CNTN5: variants seen among roughly 807,000 people sequenced by gnomAD.
CNTN5 encodes the protein contactin 5.
Under a neutral mutation model 129.1 loss-of-function variants are expected in CNTN5, and 77 were observed. That is an observed-to-expected ratio of 0.60 (90% CI 0.50 to 0.72). CNTN5 has a LOEUF of 0.72. CNTN5 is among the 30% of genes least tolerant of loss of function. The pLI, the probability that CNTN5 is intolerant of heterozygous loss-of-function variation, is 0.00. For missense variants in CNTN5, 1,478 were observed against 1,328.8 expected (o/e 1.11, Z -1.75); for synonymous variants, 509 against 465.6 (o/e 1.09, Z -1.20).
intron 1 of CNTN5, among the ~76,000 whole-genome samples, chr11:99,065,120 T>G (rs1415622807): frequency 6.6e-6 from 1 of 152,018 alleles, no homozygotes. Context: ...ATGATACCAA[T>G]GTAAAAGCAT....
chr11:99,702,962 TTAAAA>T, intron 3 of CNTN5, among the ~76,000 whole-genome samples: 1 of 151,034 alleles, frequency 6.6e-6, no homozygotes, highest in Non-Finnish European at 1.5e-5. Context: ...TCTTTCCCTT[TTAAAA>T]TAAAGATACT....
intron 1 of CNTN5, among the ~76,000 whole-genome samples, chr11:99,321,739 T>C (rs113934062): frequency 1.2e-3 from 188 of 152,262 alleles, no homozygotes; most frequent in African/African-American, 3.8e-3. Context: ...TAATATCATA[T>C]TGGTGAAGGG....
At chr11:99,960,902 T>C (rs1362246968) in intron 8 of CNTN5, among the ~76,000 whole-genome samples, 1 of 151,626 alleles carries the variant, frequency 6.6e-6, no homozygotes, top group Non-Finnish European at 1.5e-5. Context: ...AATAAGATAA[T>C]AGGAAAAACA....
chr11:99,834,293 A>C (rs1203670717), intron 4 of CNTN5, among the ~76,000 whole-genome samples: 1 of 152,168 alleles, frequency 6.6e-6, no homozygotes. Context: ...TTTTATGAAC[A>C]AAAACTCTTG....
chr11:99,860,028 A>G (rs1436832723), intron 6 of CNTN5, among the ~76,000 whole-genome samples: 1 of 152,118 alleles, frequency 6.6e-6, no homozygotes, highest in African/African-American at 2.4e-5. Context: ...TATTTTAGTA[A>G]TAGCCATTCT....
At chr11:99,391,335 CTTCTTT>C (rs1203379781) in intron 2 of CNTN5, among the ~76,000 whole-genome samples, 1 of 152,050 alleles carries the variant, frequency 6.6e-6, no homozygotes, top group Non-Finnish European at 1.5e-5. Flanking sequence ...TAGCTTTCTT[CTTCTTT>C]GTCATCTAAT....
At chr11:99,476,450 A>G (rs1190966021) in intron 2 of CNTN5, among the ~76,000 whole-genome samples, 1 of 152,142 alleles carries the variant, frequency 6.6e-6, no homozygotes, top group Non-Finnish European at 1.5e-5. Context: ...ATGTTAAGCA[A>G]TGATCTTTTA....
intron 6 of CNTN5, among the ~76,000 whole-genome samples, chr11:99,908,850 C>A (rs986041793): frequency 6.6e-6 from 1 of 152,088 alleles, no homozygotes; most frequent in Non-Finnish European, 1.5e-5. Flanking sequence ...TCAAGGGAAG[C>A]ATATGCTGGT....
chr11:99,039,305 T>G (rs1192317416), intron 1 of CNTN5, among the ~76,000 whole-genome samples: 1 of 152,136 alleles, frequency 6.6e-6, no homozygotes, highest in Non-Finnish European at 1.5e-5. Flanking sequence ...ATTACCTCTT[T>G]TATTCCTCTT....
chr11:99,319,084 G>A (rs1362136485), intron 1 of CNTN5, among the ~76,000 whole-genome samples: 2 of 152,040 alleles, frequency 1.3e-5, no homozygotes, highest in African/African-American at 4.8e-5. Flanking sequence ...AGGCTCTGTG[G>A]GGGAAAAAGC....
intron 3 of CNTN5, among the ~76,000 whole-genome samples, chr11:99,611,228 A>T (rs1330098765): frequency 6.6e-6 from 1 of 152,196 alleles, no homozygotes; most frequent in East Asian, 1.9e-4. Context: ...GGAGTTTCCT[A>T]ACCCATAATA....
chr11:99,965,759 G>T lies in CNTN5; in HGVS notation c.877+8750G>T, dbSNP rs542567456. ...TGATCTGTCTAATGTTGACAGTGGG[G>T]TGTTAAAGTCTCCCACTATTGTGTG... On this transcript the variant is annotated intron_variant, in intron 8 of 24. Coordinates refer to ENST00000524871, the MANE Select transcript of CNTN5 (RefSeq NM_014361.4). Among the ~76,000 whole-genome samples the T allele has an allele frequency of 4.6e-3, 705 of 152,226 alleles. 5 individuals are homozygous for T. Among genetic ancestry groups the T allele is most frequent in the African/African-American group, 0.016 (650 of 41,530 alleles).
Position 99,206,258 on chromosome 11 carries a change from G to C in CNTN5, c.-209-119088G>C, listed in dbSNP as rs569689962. Among the ~76,000 whole-genome samples the C allele has an allele frequency of 6.6e-5, 10 of 152,230 alleles. No individual in the cohort carries two copies. The South Asian group carries it at 2.1e-3, about 32-fold the overall frequency. ...GTGCCTGGGTAGGAACTTTGTACAA[G>C]TGGGTGGAATATGTACTGTCAGGCT... On this transcript the variant is annotated intron_variant, in intron 1 of 24. Transcript: ENST00000524871.
intron 6 of CNTN5, among the ~76,000 whole-genome samples, chr11:99,880,359 T>G (rs974190340): frequency 1.3e-5 from 2 of 152,132 alleles, no homozygotes; most frequent in African/African-American, 4.8e-5. Context: ...ACTCATAGAA[T>G]AAGAAAATAG....
intron 3 of CNTN5, among the ~76,000 whole-genome samples, chr11:99,720,235 C>T (rs1565459505): frequency 6.6e-6 from 1 of 152,132 alleles, no homozygotes; most frequent in African/African-American, 2.4e-5. Flanking sequence ...CAAAGAAAGA[C>T]TTCAGGCCAA....
At chr11:100,151,493 A>G (rs1947053780) in intron 13 of CNTN5, among the ~76,000 whole-genome samples, 1 of 152,102 alleles carries the variant, frequency 6.6e-6, no homozygotes, top group Non-Finnish European at 1.5e-5. Flanking sequence ...CTCAAAGTGC[A>G]AGCCATATAA....
chr11:99,954,912 T>C (rs1379551499), intron 7 of CNTN5, among the ~76,000 whole-genome samples: 1 of 152,164 alleles, frequency 6.6e-6, no homozygotes, highest in East Asian at 1.9e-4. Context: ...TACTTACCCA[T>C]GTGTAATATC....
At chr11:99,645,259 C>CAAAAA (rs1373283813) in intron 3 of CNTN5, among the ~76,000 whole-genome samples, 1 of 67,908 alleles carries the variant, frequency 1.5e-5, no homozygotes, top group African/African-American at 6.3e-5. Flanking sequence ...GGCTCCATCT[C>CAAAAA]AACAAAAAAA....
chr11:99,784,058 A>C (rs1945418438), intron 3 of CNTN5, among the ~76,000 whole-genome samples: 1 of 152,150 alleles, frequency 6.6e-6, no homozygotes. Context: ...GTCACTACTC[A>C]AATGTATGTA....
Sources: gnomAD v4.1 joint callset for allele counts (sites outside exome capture counted in the v4.1 genomes callset) on GRCh38, gnomAD v4.1.1 for gene constraint, MANE v1.5 for transcripts, NCBI Gene and HGNC (gene_info 2026-07-23, HGNC 2026-07-21) for gene names.